PIK3CB: variants seen among roughly 807,000 people sequenced by gnomAD.
PIK3CB encodes the protein phosphatidylinositol 4,5-bisphosphate 3-kinase catalytic subunit beta isoform.
PIK3CB carries 39 observed loss-of-function variants against 136.8 expected under a neutral mutation model. That is an observed-to-expected ratio of 0.29 (90% CI 0.22 to 0.37). The LOEUF (loss-of-function observed/expected upper bound fraction) is 0.37. PIK3CB is among the 10% of genes least tolerant of loss of function. The pLI, the probability that PIK3CB is intolerant of heterozygous loss-of-function variation, is 1.00. For synonymous variants in PIK3CB, 428 were observed against 436.6 expected (o/e 0.98, Z 0.25); for missense variants, 868 against 1,275.4 (o/e 0.68, Z 4.87).
intron 1 of PIK3CB, among the ~76,000 whole-genome samples, chr3:138,812,110 A>C (rs1297069927): frequency 6.6e-6 from 1 of 152,040 alleles, no homozygotes; most frequent in African/African-American, 2.4e-5. Context: ...AAAAAAGCCA[A>C]ACTCCTAGAT....
chr3:138,722,942 T>C (rs903520622), intron 8 of PIK3CB, among the ~76,000 whole-genome samples: 1 of 152,046 alleles, frequency 6.6e-6, no homozygotes, highest in East Asian at 1.9e-4. Context: ...TTAAGATTAG[T>C]TCTGCTTGAG....
chr3:138,693,969 TA>T (rs1264508879), intron 14 of PIK3CB, among the ~76,000 whole-genome samples: 115 of 46,456 alleles, frequency 2.5e-3, no homozygotes, highest in Non-Finnish European at 3.5e-3. Context: ...ATATATATTA[TA>T]TATATATATA....
At chr3:138,739,488 G>A (rs989275475) in intron 5 of PIK3CB, among the ~76,000 whole-genome samples, 1 of 151,788 alleles carries the variant, frequency 6.6e-6, no homozygotes, top group Non-Finnish European at 1.5e-5. Context: ...AGACCCCAGA[G>A]AGCTTCATCT....
chr3:138,711,999 C>T (rs2044512147), intron 10 of PIK3CB, among the ~76,000 whole-genome samples: 1 of 150,746 alleles, frequency 6.6e-6, no homozygotes, highest in Admixed American at 6.6e-5. Context: ...GATTTTAAAC[C>T]AAAACAAAAT....
intron 1 of PIK3CB, among the ~76,000 whole-genome samples, chr3:138,817,904 T>C (rs1026230339): frequency 1.6e-4 from 24 of 152,022 alleles, no homozygotes; most frequent in Admixed American, 1.4e-3. Flanking sequence ...TGCAGTGAGC[T>C]ATGACTGCAC....
chr3:138,794,196 C>G (rs2046084273), intron 2 of PIK3CB, among the ~76,000 whole-genome samples: 1 of 152,170 alleles, frequency 6.6e-6, no homozygotes, highest in African/African-American at 2.4e-5. Flanking sequence ...CTCCAGACCT[C>G]AGGTGATCCA....
At chr3:138,704,809 G>A (rs973974854) in intron 11 of PIK3CB, among the ~76,000 whole-genome samples, 4 of 151,958 alleles carry the variant, frequency 2.6e-5, no homozygotes, top group African/African-American at 9.7e-5. Flanking sequence ...TAGTTAAGAA[G>A]ACACAAAAAC....
chr3:138,706,707 G>A (rs1488627943), intron 11 of PIK3CB, among the ~76,000 whole-genome samples: 1 of 152,030 alleles, frequency 6.6e-6, no homozygotes, highest in Non-Finnish European at 1.5e-5. Flanking sequence ...GCCCAGGCTG[G>A]AGTGCAATGG....
intron 1 of PIK3CB, among the ~76,000 whole-genome samples, chr3:138,830,881 A>G (rs970507484): frequency 1.3e-5 from 2 of 148,496 alleles, no homozygotes; most frequent in Non-Finnish European, 3.0e-5. Flanking sequence ...TAGCCTGGGC[A>G]ACAGAGCGAA....
intron 12 of PIK3CB, among the ~76,000 whole-genome samples, chr3:138,701,036 C>T (rs906349348): frequency 2.0e-5 from 3 of 151,910 alleles, no homozygotes; most frequent in Non-Finnish European, 4.4e-5. Context: ...TGGTAAAAGC[C>T]GATATTGCCT....
At chr3:138,770,955 C>T (rs1458774202) in intron 2 of PIK3CB, among the ~76,000 whole-genome samples, 1 of 151,912 alleles carries the variant, frequency 6.6e-6, no homozygotes, top group Non-Finnish European at 1.5e-5. Flanking sequence ...CGTGATCCAC[C>T]CGCCTTAGCC....
At chr3:138,731,399 T>TATGCC (rs1249451606) in intron 8 of PIK3CB, among the ~76,000 whole-genome samples, 2 of 151,756 alleles carry the variant, frequency 1.3e-5, no homozygotes, top group Non-Finnish European at 2.9e-5. Flanking sequence ...ACTACAGACA[T>TATGCC]ATGCCACCAT....
intron 4 of PIK3CB, among the ~76,000 whole-genome samples, chr3:138,753,643 C>G (rs149942709): frequency 6.6e-6 from 1 of 151,882 alleles, no homozygotes; most frequent in African/African-American, 2.4e-5. Context: ...CCAGCCTGGG[C>G]AACATGCTAA....
intron 13 of PIK3CB, among the ~76,000 whole-genome samples, chr3:138,695,931 ATTTTTTTTTTT>A (rs34470924): frequency 4.4e-5 from 4 of 90,838 alleles, no homozygotes; most frequent in Admixed American, 1.5e-4. Flanking sequence ...AATTTTTTGT[ATTTTTTTTTTT>A]TTTTTTTTTT....
chr3:138,675,780 C>G (rs923382264), intron 19 of PIK3CB, among the ~76,000 whole-genome samples: 1 of 152,224 alleles, frequency 6.6e-6, no homozygotes, highest in Admixed American at 6.5e-5. Flanking sequence ...TTCATTCTTC[C>G]TGGTTTCAAA....
At chr3:138,783,480 T>G (rs192791602) in intron 2 of PIK3CB, among the ~76,000 whole-genome samples, 137 of 152,242 alleles carry the variant, frequency 9.0e-4, no homozygotes, top group Non-Finnish European at 1.2e-3. Flanking sequence ...TCTCACTATG[T>G]TGCGCAGGCT....
chr3:138,726,362 A>T (rs1212607224), intron 8 of PIK3CB, among the ~76,000 whole-genome samples: 2 of 152,002 alleles, frequency 1.3e-5, no homozygotes, highest in East Asian at 3.8e-4. Flanking sequence ...ATTCACTCAC[A>T]CTTCCTGCAA....
intron 14 of PIK3CB, among the ~76,000 whole-genome samples, chr3:138,693,966 T>TATTATA (rs1457395869): frequency 3.8e-4 from 16 of 42,388 alleles, no homozygotes; most frequent in Admixed American, 6.9e-4. Context: ...TATATATATA[T>TATTATA]TATATATATA....
rs1357950423 is a variant in PIK3CB at position 138,655,335 on chromosome 3, G to A, written c.*54C>T. On this transcript the variant is annotated 3_prime_UTR_variant, in exon 24 of 24. Transcript: ENST00000674063. The stretch of plus-strand genomic sequence containing the variant: ...GGGTCATGTTCAATTTAGTGCAAGT[G>A]CAAAATGAAAATGAAATGAAACCAA... 7.6e-6 allele frequency: 12 copies of A among 1,570,442 alleles called. No individual in the cohort carries two copies. In the African/African-American group the frequency reaches 8.1e-5, roughly 11 times the overall value.
Sources: gnomAD v4.1 joint callset for allele counts (sites outside exome capture counted in the v4.1 genomes callset) on GRCh38, gnomAD v4.1.1 for gene constraint, MANE v1.5 for transcripts, NCBI Gene and HGNC (gene_info 2026-07-23, HGNC 2026-07-21) for gene names.